The following POU2F1 variants were observed in gnomAD, a reference collection of about 807,000 sequenced individuals.
The protein encoded by POU2F1 is POU domain, class 2, transcription factor 1.
In POU2F1, 16 loss-of-function variants were observed where a neutral mutation model predicts 84.9. The ratio of observed to expected loss-of-function variants is 0.19; its 90% confidence interval spans 0.13 to 0.29. The LOEUF is 0.29. Among genes scored for constraint, POU2F1 ranks in the 10% least tolerant of loss-of-function variants. The probability of loss-of-function intolerance (pLI) is 1.00; values close to 1 mark genes in which losing one functional copy is unlikely to be tolerated. For synonymous variants in POU2F1, 368 were observed against 368.3 expected (o/e 1.00, Z 0.01); for missense variants, 738 against 942.6 (o/e 0.78, Z 2.84).
chr1:167,264,038 T>C (rs1651768130), intron 1 of POU2F1, among the ~76,000 whole-genome samples: 1 of 152,190 alleles, frequency 6.6e-6, no homozygotes, highest in Non-Finnish European at 1.5e-5. Context: ...TTATACCTTA[T>C]GGTCTATAGA....
chr1:167,248,126 AGCATT>A (rs1296878243), intron 1 of POU2F1, among the ~76,000 whole-genome samples: 2 of 152,258 alleles, frequency 1.3e-5, no homozygotes, highest in Non-Finnish European at 2.9e-5. Context: ...AATTTAAAAA[AGCATT>A]GCAGGAAATT....
intron 7 of POU2F1, among the ~76,000 whole-genome samples, chr1:167,381,851 CT>C: frequency 6.6e-6 from 1 of 152,070 alleles, no homozygotes; most frequent in Non-Finnish European, 1.5e-5. Context: ...CTCAAGTGAT[CT>C]GCCTGCCTCG....
intron 2 of POU2F1, among the ~76,000 whole-genome samples, chr1:167,361,824 C>T (rs1174408620): frequency 1.3e-5 from 2 of 152,056 alleles, no homozygotes; most frequent in African/African-American, 4.8e-5. Flanking sequence ...TTAAGTTTTT[C>T]ATTACTGATT....
chr1:167,370,824 C>G (rs931167586), intron 4 of POU2F1, among the ~76,000 whole-genome samples: 2 of 152,190 alleles, frequency 1.3e-5, no homozygotes, highest in Non-Finnish European at 2.9e-5. Flanking sequence ...GGTGGATAGA[C>G]AATCAAAATC....
chr1:167,223,329 G>A (rs1300103657), intron 1 of POU2F1, among the ~76,000 whole-genome samples: 1 of 152,158 alleles, frequency 6.6e-6, no homozygotes, highest in Non-Finnish European at 1.5e-5. Flanking sequence ...AGGACAGTTG[G>A]CTTGTGAGAG....
intron 1 of POU2F1, among the ~76,000 whole-genome samples, chr1:167,304,582 A>G (rs1654930185): frequency 6.6e-6 from 1 of 152,198 alleles, no homozygotes; most frequent in African/African-American, 2.4e-5. Context: ...AAATCTCAGC[A>G]TTTTAGAGAG....
intron 1 of POU2F1, among the ~76,000 whole-genome samples, chr1:167,301,286 A>G (rs1213866483): frequency 6.6e-6 from 1 of 152,210 alleles, no homozygotes; most frequent in Non-Finnish European, 1.5e-5. Context: ...TCACTTGGTG[A>G]TGGGCATTTT....
intron 7 of POU2F1, among the ~76,000 whole-genome samples, chr1:167,377,534 C>A (rs994079111): frequency 6.6e-6 from 1 of 152,106 alleles, no homozygotes; most frequent in Admixed American, 6.6e-5. Flanking sequence ...TTGCAGTGAG[C>A]CAAGATTGAA....
chr1:167,221,619 G>C (rs1459395288), intron 1 of POU2F1, among the ~76,000 whole-genome samples: 1 of 150,692 alleles, frequency 6.6e-6, no homozygotes, highest in African/African-American at 2.4e-5. Flanking sequence ...CGCGCGGGGA[G>C]AGCTCCCTGC....
chr1:167,308,876 A>C (rs1011700429), intron 1 of POU2F1, among the ~76,000 whole-genome samples: 2 of 152,198 alleles, frequency 1.3e-5, no homozygotes, highest in Admixed American at 1.3e-4. Flanking sequence ...TTGATTTCCC[A>C]ATTATATTAT....
At chr1:167,358,969 TTTTGAAAGAACC>T (rs2101811485) in intron 2 of POU2F1, among the ~76,000 whole-genome samples, 1 of 152,214 alleles carries the variant, frequency 6.6e-6, no homozygotes, top group African/African-American at 2.4e-5. Flanking sequence ...GACAAGATTC[TTTTGAAAGAACC>T]AAGTTGGTGT....
At chr1:167,376,428 C>A in intron 7 of POU2F1, 1 of 302,578 alleles carries the variant, frequency 3.3e-6, no homozygotes, top group Non-Finnish European at 6.0e-6. Flanking sequence ...AATTATTCAA[C>A]ATGCCAAACA....
At chr1:167,373,640 C>T (rs528132407) in intron 5 of POU2F1, among the ~76,000 whole-genome samples, 71 of 152,274 alleles carry the variant, frequency 4.7e-4, no homozygotes, top group African/African-American at 1.6e-3. Flanking sequence ...ATTCTTTAGT[C>T]ATATCTTTGG....
intron 1 of POU2F1, among the ~76,000 whole-genome samples, chr1:167,274,353 C>T (rs980952971): frequency 1.3e-5 from 2 of 152,128 alleles, no homozygotes; most frequent in African/African-American, 4.8e-5. Flanking sequence ...AAGAATCTGA[C>T]TATAAAACTA....
chr1:167,294,984 A>G (rs1338402388), intron 1 of POU2F1, among the ~76,000 whole-genome samples: 1 of 152,012 alleles, frequency 6.6e-6, no homozygotes, highest in Non-Finnish European at 1.5e-5. Flanking sequence ...AAATACAAAA[A>G]TTAGCCGGGT....
At chr1:167,251,671 C>T (rs1041407388) in intron 1 of POU2F1, among the ~76,000 whole-genome samples, 1 of 152,102 alleles carries the variant, frequency 6.6e-6, no homozygotes, top group East Asian at 1.9e-4. Flanking sequence ...TCTGGTCTGA[C>T]AGGCTGATCT....
At chr1:167,334,729 C>T (rs921072230) in intron 2 of POU2F1, among the ~76,000 whole-genome samples, 2 of 152,150 alleles carry the variant, frequency 1.3e-5, no homozygotes, top group Non-Finnish European at 2.9e-5. Context: ...TATAAAATTA[C>T]AGTTTATTTA....
chr1:167,239,986 G>A (rs925250099), intron 1 of POU2F1, among the ~76,000 whole-genome samples: 26 of 146,638 alleles, frequency 1.8e-4, no homozygotes, highest in Non-Finnish European at 3.4e-4. Context: ...GGACTTTATG[G>A]AAAGGCTTTT....
intron 1 of POU2F1, among the ~76,000 whole-genome samples, chr1:167,297,333 G>A (rs532151814): frequency 5.3e-5 from 8 of 152,206 alleles, no homozygotes; most frequent in East Asian, 3.8e-4. Context: ...AGGAGTTTGC[G>A]TGGCTAATCT....
Sources: gnomAD v4.1 joint callset for allele counts (sites outside exome capture counted in the v4.1 genomes callset) on GRCh38, gnomAD v4.1.1 for gene constraint, MANE v1.5 for transcripts, NCBI Gene and HGNC (gene_info 2026-07-23, HGNC 2026-07-21) for gene names.